KIAA1958: variants seen among roughly 807,000 people sequenced by gnomAD.
KIAA1958 encodes the protein uncharacterized protein KIAA1958.
In KIAA1958, 14 loss-of-function variants were observed where a neutral mutation model predicts 47.2. The observed-to-expected ratio is 0.30, with a 90% CI of 0.20 to 0.46. KIAA1958 has a LOEUF of 0.46. Among genes scored for constraint, KIAA1958 ranks in the 20% least tolerant of loss-of-function variants. The pLI is 1.00. For synonymous variants in KIAA1958, 354 were observed against 353.3 expected (o/e 1.00, Z -0.02); for missense variants, 803 against 909.2 (o/e 0.88, Z 1.50).
intron 2 of KIAA1958, chr9:112,617,793 A>C (rs1381161679): frequency 8.8e-7 from 1 of 1,133,916 alleles, no homozygotes; most frequent in African/African-American, 1.6e-5. Flanking sequence ...ATAAAAGGAA[A>C]CTTTATTTCA....
chr9:112,617,858 C>T (rs1177560312), intron 2 of KIAA1958: 10 of 1,538,094 alleles, frequency 6.5e-6, no homozygotes, highest in Admixed American at 2.0e-5. Context: ...CCTCCCCCCC[C>T]AATTTGTTGC....
chr9:112,498,884 T>C (rs1242659011), intron 1 of KIAA1958, among the ~76,000 whole-genome samples: 1 of 152,200 alleles, frequency 6.6e-6, no homozygotes, highest in Non-Finnish European at 1.5e-5. Flanking sequence ...GACTAACCTC[T>C]ATCCATCCCT....
chr9:112,630,408 G>T (rs1401901191), intron 2 of KIAA1958, among the ~76,000 whole-genome samples: 1 of 152,206 alleles, frequency 6.6e-6, no homozygotes, highest in Admixed American at 6.5e-5. Flanking sequence ...ACTTTGGAAG[G>T]CCAAGGCAGG....
intron 1 of KIAA1958, among the ~76,000 whole-genome samples, chr9:112,527,677 C>T (rs745385086): frequency 6.6e-6 from 1 of 152,098 alleles, no homozygotes; most frequent in Non-Finnish European, 1.5e-5. Context: ...TCACTCACTC[C>T]TGTAATCCCA....
At chr9:112,568,618 C>G (rs1173527136) in intron 1 of KIAA1958, among the ~76,000 whole-genome samples, 3 of 152,148 alleles carry the variant, frequency 2.0e-5, no homozygotes, top group East Asian at 1.9e-4. Flanking sequence ...CATGGTGGCT[C>G]AAGCCTGAAA....
At chr9:112,542,687 C>T (rs1834962993) in intron 1 of KIAA1958, among the ~76,000 whole-genome samples, 2 of 152,146 alleles carry the variant, frequency 1.3e-5, no homozygotes, top group South Asian at 2.1e-4. Context: ...TAATTTAGAG[C>T]CCTCTCTCTC....
chr9:112,546,210 A>G (rs1038246835), intron 1 of KIAA1958, among the ~76,000 whole-genome samples: 1 of 152,086 alleles, frequency 6.6e-6, no homozygotes, highest in East Asian at 1.9e-4. Context: ...CTCACTGCTC[A>G]TTATATGCTA....
intron 1 of KIAA1958, among the ~76,000 whole-genome samples, chr9:112,528,712 G>A (rs1160190373): frequency 7.0e-6 from 1 of 143,318 alleles, no homozygotes; most frequent in Admixed American, 7.2e-5. Context: ...TAGAGATGGG[G>A]TTTCACTGTG....
chr9:112,632,604 T>A (rs1436627707), intron 2 of KIAA1958, among the ~76,000 whole-genome samples: 2 of 152,190 alleles, frequency 1.3e-5, no homozygotes, highest in African/African-American at 2.4e-5. Context: ...GCCTATTTTT[T>A]AATGCATTTT....
intron 2 of KIAA1958, among the ~76,000 whole-genome samples, chr9:112,606,793 A>C (rs1243910031): frequency 1.3e-5 from 2 of 152,198 alleles, no homozygotes; most frequent in East Asian, 3.8e-4. Flanking sequence ...GTGATTAGAA[A>C]GCTTTCAACA....
chr9:112,625,668 C>A (rs1418721445), intron 2 of KIAA1958, among the ~76,000 whole-genome samples: 1 of 152,180 alleles, frequency 6.6e-6, no homozygotes, highest in Non-Finnish European at 1.5e-5. Flanking sequence ...GTTTTTAAAA[C>A]CCACAAATTT....
chr9:112,574,315 A>C lies in KIAA1958; in HGVS notation c.235A>C (p.Ser79Arg). The C allele has an allele frequency of 1.2e-6, 2 of 1,614,150 alleles. No individual in the cohort carries two copies. The change falls in exon 2 of 4, where the codon AGT becomes CGT. Residue 79 changes from serine (S) to arginine (R), a missense_variant. By Grantham distance (110) the Ser-to-Arg change is moderately radical. This residue lies in a region of KIAA1958 where 761 missense variants were observed against 829.3 expected (regional missense o/e 0.92). Transcript: ENST00000337530. ...QERVCFQDNR[S>R]FNSDSPSIIG... is the part of the protein sequence containing the mutation. ...GAGGGTCTGTTTCCAGGATAACAGAAGTTTTAACTCTGATAGTCCCAGTAT... is the reference window on the plus strand; with the variant it reads ...GAGGGTCTGTTTCCAGGATAACAGACGTTTTAACTCTGATAGTCCCAGTAT...
rs141416884 is a variant in KIAA1958, at chr9:112,527,132, A to G, written c.-25+40014A>G. On this transcript the variant is annotated intron_variant, in intron 1 of 3. Coordinates refer to ENST00000337530, the MANE Select transcript of KIAA1958 (RefSeq NM_133465.4). The stretch of plus-strand genomic sequence containing the variant: ...TTTAGAGATAGGGTTACTCTGTCAC[A>G]CAATTACTCAGTGTTTGCAGTGACT... Among the ~76,000 whole-genome samples, 14 of 152,332 alleles carry G rather than the reference A, an allele frequency of 9.2e-5. No homozygotes were observed. The East Asian group carries it at 2.7e-3, about 29-fold the overall frequency.
chr9:112,597,749 G>A (rs1307610757), intron 2 of KIAA1958, among the ~76,000 whole-genome samples: 1 of 152,154 alleles, frequency 6.6e-6, no homozygotes, highest in Non-Finnish European at 1.5e-5. Context: ...GTTGAATGTT[G>A]AAGCAAATAT....
chr9:112,516,712 C>A (rs1338262485), intron 1 of KIAA1958, among the ~76,000 whole-genome samples: 1 of 152,178 alleles, frequency 6.6e-6, no homozygotes, highest in Non-Finnish European at 1.5e-5. Flanking sequence ...TATAAAGTCA[C>A]AGTAATCAAG....
chr9:112,603,737 C>T (rs1211400474), intron 2 of KIAA1958, among the ~76,000 whole-genome samples: 2 of 152,242 alleles, frequency 1.3e-5, no homozygotes, highest in Admixed American at 6.5e-5. Flanking sequence ...CCTTTGACTA[C>T]ATCCCACAGG....
At chr9:112,591,250 A>AT (rs957900752) in intron 2 of KIAA1958, among the ~76,000 whole-genome samples, 9 of 151,656 alleles carry the variant, frequency 5.9e-5, no homozygotes, top group African/African-American at 1.7e-4. Flanking sequence ...CGCCCGGCTA[A>AT]TTTTTTTGTA....
intron 1 of KIAA1958, among the ~76,000 whole-genome samples, chr9:112,553,886 A>C (rs1835197947): frequency 6.6e-6 from 1 of 152,230 alleles, no homozygotes; most frequent in Non-Finnish European, 1.5e-5. Context: ...ATAAGTGTTC[A>C]AGAAATATTT....
chr9:112,536,966 A>C (rs1288615500), intron 1 of KIAA1958, among the ~76,000 whole-genome samples: 2 of 152,162 alleles, frequency 1.3e-5, no homozygotes, highest in African/African-American at 4.8e-5. Flanking sequence ...ATCAAGGAAA[A>C]GTTTATAAAT....
Sources: gnomAD v4.1 joint callset for allele counts (sites outside exome capture counted in the v4.1 genomes callset) on GRCh38, gnomAD v4.1.1 for gene constraint, gnomAD v4.1.1 regional missense constraint, MANE v1.5 for transcripts, NCBI Gene and HGNC (gene_info 2026-07-23, HGNC 2026-07-21) for gene names.